Variants in WWOX observed in about 807,000 individuals in gnomAD.
The protein encoded by WWOX is WW domain-containing oxidoreductase.
WWOX carries 69 observed loss-of-function variants against 46.2 expected under a neutral mutation model. The ratio of observed to expected loss-of-function variants is 1.49; its 90% confidence interval spans 1.23 to 1.82. The LOEUF is 1.82. Among genes scored for constraint, WWOX ranks in the 40% most tolerant of loss-of-function variants. The pLI, the probability that WWOX is intolerant of heterozygous loss-of-function variation, is 0.00. For missense variants in WWOX, 919 were observed against 542.6 expected (o/e 1.69, Z -6.89); for synonymous variants, 359 against 202.6 (o/e 1.77, Z -6.56).
At chr16:79,157,162 A>G (rs529047541) in intron 8 of WWOX, among the ~76,000 whole-genome samples, 2 of 152,374 alleles carry the variant, frequency 1.3e-5, no homozygotes, top group African/African-American at 4.8e-5. Flanking sequence ...GAAGAGAAAA[A>G]GTGAGCAAGA....
chr16:78,806,252 T>G (rs533555609), intron 8 of WWOX, among the ~76,000 whole-genome samples: 1 of 152,318 alleles, frequency 6.6e-6, no homozygotes, highest in African/African-American at 2.4e-5. Context: ...AGAACCCATT[T>G]TCTGGCCATT....
At chr16:79,180,373 C>G (rs937967497) in intron 8 of WWOX, among the ~76,000 whole-genome samples, 4 of 152,180 alleles carry the variant, frequency 2.6e-5, no homozygotes, top group African/African-American at 4.8e-5. Flanking sequence ...TACTATAAAT[C>G]TATCCGTTAA....
Position 78,656,074 on chromosome 16 carries a change from C to G in WWOX, c.1056+223322C>G, listed in dbSNP as rs143208300. On this transcript the variant is annotated intron_variant, in intron 8 of 8. Transcript: ENST00000566780. ...GGGTGTGGGTTATTCTTCTCTCTTT[C>G]TGATTTGCTTCAGTACAGTATGGGA... Among the ~76,000 whole-genome samples the G allele has an allele frequency of 4.5e-3, 691 of 152,286 alleles. 7 individuals are homozygous for G. The highest frequency in any genetic ancestry group is 0.016 in the African/African-American group (662 of 41,564).
intron 8 of WWOX, among the ~76,000 whole-genome samples, chr16:78,919,885 G>C (rs893673182): frequency 1.3e-5 from 2 of 152,142 alleles, no homozygotes; most frequent in East Asian, 1.9e-4. Flanking sequence ...AGACCAGTCT[G>C]TACAGTTGAT....
At chr16:78,825,616 C>A in intron 8 of WWOX, 1 of 526,310 alleles carries the variant, frequency 1.9e-6, no homozygotes, top group East Asian at 4.9e-5. Flanking sequence ...GGAGGGCTTA[C>A]TGTGCGGAGG....
intron 5 of WWOX, among the ~76,000 whole-genome samples, chr16:78,361,491 T>C (rs1425114473): frequency 6.6e-6 from 1 of 152,226 alleles, no homozygotes; most frequent in Admixed American, 6.5e-5. Flanking sequence ...GGATCTTGCC[T>C]GCAGCAGTGT....
At chr16:78,946,121 T>C (rs1015148465) in intron 8 of WWOX, among the ~76,000 whole-genome samples, 1 of 152,184 alleles carries the variant, frequency 6.6e-6, no homozygotes, top group Non-Finnish European at 1.5e-5. Context: ...CTCCAGTTAA[T>C]TTTACTTTAA....
chr16:78,350,069 AC>A (rs1401620897), intron 5 of WWOX, among the ~76,000 whole-genome samples: 1 of 120,986 alleles, frequency 8.3e-6, no homozygotes, highest in Non-Finnish European at 2.0e-5. Context: ...TAAATGGCAA[AC>A]ATTTGACCAT....
chr16:79,017,171 C>G (rs2047431653), intron 8 of WWOX: 2 of 152,218 alleles, frequency 1.3e-5, no homozygotes. Flanking sequence ...TGGCTCACGC[C>G]TGTAATCACA....
intron 8 of WWOX, among the ~76,000 whole-genome samples, chr16:78,797,917 G>A (rs2050786531): frequency 6.6e-6 from 1 of 152,192 alleles, no homozygotes; most frequent in Non-Finnish European, 1.5e-5. Context: ...GAGCCCAAGA[G>A]GTCAAGACGG....
chr16:78,974,916 G>A (rs1480638771), intron 8 of WWOX, among the ~76,000 whole-genome samples: 2 of 152,158 alleles, frequency 1.3e-5, no homozygotes, highest in African/African-American at 2.4e-5. Flanking sequence ...AGGGTCCACC[G>A]ATGCAGCCTC....
At chr16:78,724,161 C>G (rs952670014) in intron 8 of WWOX, among the ~76,000 whole-genome samples, 3 of 152,164 alleles carry the variant, frequency 2.0e-5, no homozygotes, top group African/African-American at 7.2e-5. Context: ...TGCCACATCC[C>G]GGTTCATATC....
At position 78,400,851 on chromosome 16, in the gene WWOX, G is replaced by C. The variant is rs111746411; in HGVS notation, c.605+13903G>C. ...CTTTGTTACTTGTTTCTGAGATAGGGCTGGCTCTGTCACCCAGACTGGTGT... is the reference window on the plus strand; with the variant it reads ...CTTTGTTACTTGTTTCTGAGATAGGCCTGGCTCTGTCACCCAGACTGGTGT... On this transcript the variant is annotated intron_variant, in intron 6 of 8. Transcript: ENST00000566780. Among the ~76,000 whole-genome samples, 331 of 152,316 alleles carry C rather than the reference G, an allele frequency of 2.2e-3. 2 individuals carry two copies. The highest frequency in any genetic ancestry group is 7.8e-3 in the African/African-American group (323 of 41,572).
intron 5 of WWOX, among the ~76,000 whole-genome samples, chr16:78,220,064 C>T (rs2036840499): frequency 6.6e-6 from 1 of 152,088 alleles, no homozygotes; most frequent in African/African-American, 2.4e-5. Context: ...GGATTATCCC[C>T]CTGTAGAATG....
chr16:78,658,803 A>C (rs189606843), intron 8 of WWOX, among the ~76,000 whole-genome samples: 1 of 151,818 alleles, frequency 6.6e-6, no homozygotes, highest in South Asian at 2.1e-4. Flanking sequence ...ATAAGATCAC[A>C]TGCTAGGGCT....
intron 8 of WWOX, among the ~76,000 whole-genome samples, chr16:78,973,029 C>T (rs1240743981): frequency 6.6e-6 from 1 of 152,158 alleles, no homozygotes; most frequent in Non-Finnish European, 1.5e-5. Context: ...ATTTTTCCTG[C>T]AGTTGGGACT....
At chr16:78,105,334 T>G (rs1018842353) in intron 1 of WWOX, among the ~76,000 whole-genome samples, 8 of 152,032 alleles carry the variant, frequency 5.3e-5, no homozygotes, top group African/African-American at 1.7e-4. Context: ...TGGTGGCAGG[T>G]GCCTGTAATC....
chr16:79,108,278 G>A (rs1359855957), intron 8 of WWOX, among the ~76,000 whole-genome samples: 1 of 152,222 alleles, frequency 6.6e-6, no homozygotes, highest in Non-Finnish European at 1.5e-5. Context: ...CATCAGCGGG[G>A]TCCTGCAGTG....
chr16:78,687,099 T>C (rs1463234635), intron 8 of WWOX, among the ~76,000 whole-genome samples: 1 of 151,942 alleles, frequency 6.6e-6, no homozygotes, highest in Non-Finnish European at 1.5e-5. Flanking sequence ...CATTTTTTTT[T>C]CCAATGAGAG....
Sources: allele counts gnomAD v4.1 joint callset (sites outside exome capture counted in the v4.1 genomes callset), GRCh38; gene constraint gnomAD v4.1.1; transcripts MANE v1.5; gene names NCBI Gene and HGNC (gene_info 2026-07-23, HGNC 2026-07-21).